TRHDE: variants seen among roughly 807,000 people sequenced by gnomAD.
TRHDE encodes the protein thyrotropin releasing hormone degrading enzyme.
A neutral mutation model predicts 125.7 loss-of-function variants in TRHDE; 72 were observed. The ratio of observed to expected loss-of-function variants is 0.57; its 90% CI spans 0.47 to 0.70. The LOEUF (loss-of-function observed/expected upper bound fraction) is 0.70. TRHDE is among the 30% of genes least tolerant of loss of function. The pLI is 0.00. For missense variants in TRHDE, 1,110 were observed against 1,327.1 expected (o/e 0.84, Z 2.54); for synonymous variants, 509 against 509.1 (o/e 1.00, Z 0.00).
chr12:72,474,264 A>C (rs1876786403), intron 5 of TRHDE, among the ~76,000 whole-genome samples: 1 of 152,122 alleles, frequency 6.6e-6, no homozygotes, highest in Non-Finnish European at 1.5e-5. Context: ...TTCTTTACTT[A>C]TTGTTATTTG....
At chr12:72,218,825 G>A (rs1204010219) in intron 2 of TRHDE, among the ~76,000 whole-genome samples, 1 of 152,090 alleles carries the variant, frequency 6.6e-6, no homozygotes, top group African/African-American at 2.4e-5. Flanking sequence ...CCAAAATCTG[G>A]ATGACCTTAT....
At chr12:72,128,570 T>C (rs568654956) in intron 2 of TRHDE, among the ~76,000 whole-genome samples, 1 of 152,220 alleles carries the variant, frequency 6.6e-6, no homozygotes, top group Non-Finnish European at 1.5e-5. Flanking sequence ...AGTAGAGGTA[T>C]AAATAATATT....
intron 3 of TRHDE, among the ~76,000 whole-genome samples, chr12:72,434,452 T>C (rs1011105302): frequency 2.0e-5 from 3 of 151,890 alleles, no homozygotes; most frequent in Non-Finnish European, 2.9e-5. Context: ...ACTTTATATG[T>C]TTGCTGTTTT....
At chr12:72,297,292 A>G (rs1880336559) in intron 2 of TRHDE, among the ~76,000 whole-genome samples, 1 of 152,176 alleles carries the variant, frequency 6.6e-6, no homozygotes. Context: ...TGAAGACTAC[A>G]AGTCACCATA....
chr12:72,367,118 C>A (rs1871369734), intron 2 of TRHDE, among the ~76,000 whole-genome samples: 1 of 152,056 alleles, frequency 6.6e-6, no homozygotes, highest in East Asian at 1.9e-4. Flanking sequence ...ATTGTAAATT[C>A]TCCTCCTTCT....
At chr12:72,356,328 A>G (rs576153293) in intron 2 of TRHDE, among the ~76,000 whole-genome samples, 27 of 151,662 alleles carry the variant, frequency 1.8e-4, no homozygotes, top group African/African-American at 6.3e-4. Flanking sequence ...ATAAGTGGGA[A>G]TGGTAAGAAC....
At chr12:72,466,694 C>A (rs10879429) in intron 3 of TRHDE, among the ~76,000 whole-genome samples, 19,869 of 152,064 alleles carry the variant, frequency 0.13, 2,039 homozygotes, top group African/African-American at 0.28. Context: ...ACCTTAGGGC[C>A]TTTGCATTTG....
At chr12:72,641,058 C>G (rs1874038306) in intron 15 of TRHDE, among the ~76,000 whole-genome samples, 2 of 152,086 alleles carry the variant, frequency 1.3e-5, no homozygotes, top group Admixed American at 6.6e-5. Context: ...TATCCCTGTC[C>G]AATTAGGGTA....
At chr12:72,609,913 T>C in intron 12 of TRHDE, among the ~76,000 whole-genome samples, 1 of 152,194 alleles carries the variant, frequency 6.6e-6, no homozygotes, top group Non-Finnish European at 1.5e-5. Context: ...TACTCCCATG[T>C]GGCCCCTTTA....
intron 2 of TRHDE, among the ~76,000 whole-genome samples, chr12:72,207,014 G>A (rs959101086): frequency 6.6e-6 from 1 of 152,102 alleles, no homozygotes; most frequent in African/African-American, 2.4e-5. Context: ...CTCTTTTAGT[G>A]TTATACACTA....
chr12:72,315,612 A>G (rs1375209427), intron 2 of TRHDE, among the ~76,000 whole-genome samples: 1 of 152,252 alleles, frequency 6.6e-6, no homozygotes, highest in East Asian at 1.9e-4. Context: ...CTGCAAATCA[A>G]GGCCTCTCAG....
At chr12:72,551,306 T>C (rs1489938146) in intron 7 of TRHDE, among the ~76,000 whole-genome samples, 1 of 152,158 alleles carries the variant, frequency 6.6e-6, no homozygotes, top group Non-Finnish European at 1.5e-5. Context: ...AGCTTCATGT[T>C]AGCATGGCAC....
chr12:72,104,299 G>A (rs947991216), intron 1 of TRHDE, among the ~76,000 whole-genome samples: 6 of 152,152 alleles, frequency 3.9e-5, no homozygotes, highest in African/African-American at 1.2e-4. Context: ...GTGAGGGTCC[G>A]AGACTCTCAG....
At chr12:72,154,508 G>C (rs1047037074) in intron 2 of TRHDE, among the ~76,000 whole-genome samples, 2 of 152,182 alleles carry the variant, frequency 1.3e-5, no homozygotes, top group African/African-American at 4.8e-5. Flanking sequence ...TTTACAATTT[G>C]GCATGTTTTT....
intron 5 of TRHDE, among the ~76,000 whole-genome samples, chr12:72,498,140 C>T (rs975952843): frequency 8.6e-5 from 13 of 151,950 alleles, no homozygotes; most frequent in African/African-American, 2.7e-4. Context: ...ATATATGGGC[C>T]ATAGACTATA....
intron 2 of TRHDE, among the ~76,000 whole-genome samples, chr12:72,332,232 G>C (rs1014113124): frequency 6.6e-6 from 1 of 152,018 alleles, no homozygotes; most frequent in Admixed American, 6.6e-5. Context: ...TCCACCTCCC[G>C]GGTTCACGCC....
At chr12:72,135,242 C>G (rs1300157344) in intron 2 of TRHDE, among the ~76,000 whole-genome samples, 1 of 152,148 alleles carries the variant, frequency 6.6e-6, no homozygotes, top group East Asian at 1.9e-4. Flanking sequence ...TCAGCTTTGT[C>G]AATTCTCTTC....
At chr12:72,479,358 A>G (rs1877051166) in intron 5 of TRHDE, among the ~76,000 whole-genome samples, 1 of 152,122 alleles carries the variant, frequency 6.6e-6, no homozygotes, top group Non-Finnish European at 1.5e-5. Context: ...CAATGTTATA[A>G]AGATGTGTTA....
rs1348923777 is a variant in TRHDE at position 72,665,519 on chromosome 12, A to T, written c.*2324A>T. ...ATTTATTCTTTCTAATGTTGAAATT[A>T]TATCAGGCTTTACCGGTTTTTTTAG... On this transcript the variant is annotated 3_prime_UTR_variant, in exon 19 of 19. Transcript: ENST00000261180. 1.3e-5 allele frequency: 2 copies of T among 152,474 alleles called. No homozygotes were observed. The highest frequency in any genetic ancestry group is 2.4e-5 in the African/African-American group (1 of 41,458). The allele number at this position is 152,474 out of a possible 1,614,324, so 9.4% of individuals were successfully genotyped here.
Sources: allele counts gnomAD v4.1 joint callset (sites outside exome capture counted in the v4.1 genomes callset), GRCh38; gene constraint gnomAD v4.1.1; transcripts MANE v1.5; gene names NCBI Gene and HGNC (gene_info 2026-07-23, HGNC 2026-07-21).